The following CHD5 variants were observed in gnomAD, a reference collection of about 807,000 sequenced individuals.
CHD5 encodes the protein ATP-dependent chromatin remodeler CHD5.
Under a neutral mutation model 230.3 loss-of-function variants are expected in CHD5, and 69 were observed. That is an observed-to-expected ratio of 0.30 (90% CI 0.25 to 0.37). CHD5 has a LOEUF of 0.37. CHD5 is among the 10% of genes least tolerant of loss of function. CHD5 has a pLI of 1.00. For missense variants in CHD5, 1,827 were observed against 2,622.8 expected (o/e 0.70, Z 6.63); for synonymous variants, 1,064 against 1,065.9 (o/e 1.00, Z 0.03).
At position 6,128,034 on chromosome 1, in the gene CHD5, C is replaced by G. The variant is rs568640264; in HGVS notation, c.3903+12G>C. The G allele has an allele frequency of 1.3e-6, 2 of 1,588,554 alleles. No homozygotes were observed. The highest frequency in any genetic ancestry group is 3.5e-5 in the Admixed American group (2 of 57,374). On this transcript the variant is annotated intron_variant, in intron 25 of 41. Coordinates refer to ENST00000262450, the MANE Select transcript of CHD5 (RefSeq NM_015557.3). This position sits in a 1 kb window ranked among gnomAD's most constrained non-coding sequence, Gnocchi z 7.8. Reference sequence around the variant, plus strand: ...GCGGGGCTGCGGATGGAGGGCGGGCCGGGGACCTTACCACGCCGTCCTCCT... The same window carrying G: ...GCGGGGCTGCGGATGGAGGGCGGGCGGGGGACCTTACCACGCCGTCCTCCT...
intron 16 of CHD5, 36 bp downstream of exon 16, chr1:6,136,691 CG>C: frequency 6.2e-7 from 1 of 1,611,304 alleles, no homozygotes; most frequent in Non-Finnish European, 8.5e-7. Context: ...CCCCTCGCCC[CG>C]GGAAGCTCTG....
intron 9 of CHD5, among the ~76,000 whole-genome samples, chr1:6,147,894 T>C (rs979249292): frequency 3.9e-5 from 6 of 152,056 alleles, no homozygotes; most frequent in African/African-American, 4.8e-5. Flanking sequence ...CCACTGGCTC[T>C]TGGGGGAGTG....
rs1479360932 is a variant in CHD5, at chr1:6,180,034, G to A, written c.-11C>T. 3.1e-6 allele frequency: 4 copies of A among 1,302,612 alleles called. No individual in the cohort carries two copies. The highest frequency in any genetic ancestry group is 1.6e-5 in the South Asian group (1 of 62,152). The allele number at this position is 1,302,612 out of a possible 1,614,324, so 80.7% of individuals were successfully genotyped here. On this transcript the variant is annotated 5_prime_UTR_variant, in exon 1 of 42. Coordinates refer to ENST00000262450, the MANE Select transcript of CHD5 (RefSeq NM_015557.3). ...CACTGGGCCCCGCATGCCCGGCGCG[G>A]GGAGGAGGGGAGGTGGGCGCCCCCC...
intron 1 of CHD5, among the ~76,000 whole-genome samples, chr1:6,170,481 C>T (rs987195097): frequency 3.3e-5 from 5 of 152,282 alleles, no homozygotes; most frequent in Admixed American, 1.3e-4. Context: ...TTGCATCCCA[C>T]GGGGCCAATG....
At chr1:6,171,499 A>G (rs556154962) in intron 1 of CHD5, among the ~76,000 whole-genome samples, 1 of 140,306 alleles carries the variant, frequency 7.1e-6, no homozygotes, top group South Asian at 2.1e-4. Flanking sequence ...CTGATTCTCT[A>G]TGACACTGCC....
chr1:6,124,057 G>T lies in CHD5; in HGVS notation c.4590C>A (p.Ile1530=), dbSNP rs369641587. 1 of 1,613,310 alleles carries T rather than the reference G, an allele frequency of 6.2e-7. No individual in the cohort carries two copies. The highest frequency in any genetic ancestry group is 8.5e-7 in the Non-Finnish European group (1 of 1,179,730). ...ACTTCTTCCCCTCGGGCCCCTCAGG[G>T]ATCAAGTCTGGGGTGCTGTACTTCC... ...VNGKYSTPDL[I]PEGPEGKKSG... is the part of the protein sequence containing the mutation. The change falls in exon 31 of 42, where the codon ATC becomes ATA. Residue 1530 remains isoleucine (I), a synonymous_variant. Transcript: ENST00000262450.
In CHD5 at chr1:6,159,327, C is replaced by T; in HGVS notation, c.387+9G>A. On this transcript the variant is annotated intron_variant, in intron 3 of 41. Transcript: ENST00000262450. ...CGCTCTGTCCCCCCAGCCAGGCCTCCACAGTTACCTTTAAGCATCCATCAT... is the reference window on the plus strand; with the variant it reads ...CGCTCTGTCCCCCCAGCCAGGCCTCTACAGTTACCTTTAAGCATCCATCAT... 1 of 1,551,358 alleles carries T rather than the reference C, an allele frequency of 6.4e-7. No individual in the cohort carries two copies.
Position 6,124,669 on chromosome 1 carries a change from G to A in CHD5, c.4395-8C>T, listed in dbSNP as rs534219625. 6 of 666,304 alleles carry A rather than the reference G, an allele frequency of 9.0e-6. No individual in the cohort carries two copies. Among genetic ancestry groups the A allele is most frequent in the Non-Finnish European group, 8.1e-6 (4 of 492,420 alleles). The allele number at this position is 666,304 out of a possible 1,614,324, so 41.3% of individuals were successfully genotyped here. On this transcript the variant is annotated splice_polypyrimidine_tract_variant and splice_region_variant and intron_variant, in intron 29 of 41. Coordinates refer to ENST00000262450, the MANE Select transcript of CHD5 (RefSeq NM_015557.3). ...AAGAGGGACACATAGGCTCTGGGGT[G>A]GGGGGGGGGGACTGGGGCTCAGGGA...
chr1:6,166,943 T>C (rs12087088), intron 2 of CHD5, among the ~76,000 whole-genome samples: 42,507 of 151,930 alleles, frequency 0.28, 10,726 homozygotes, highest in African/African-American at 0.68. Context: ...CAGCACGGAG[T>C]GTCTCCAGCC....
At chr1:6,120,874 G>A (rs1012392271) in intron 33 of CHD5, among the ~76,000 whole-genome samples, 2 of 151,958 alleles carry the variant, frequency 1.3e-5, no homozygotes, top group African/African-American at 4.8e-5. Context: ...CTGCATTCCA[G>A]CCTGGGTGAC....
At chr1:6,145,118 G>A (rs1666890512) in intron 11 of CHD5, among the ~76,000 whole-genome samples, 2 of 152,060 alleles carry the variant, frequency 1.3e-5, no homozygotes, top group Admixed American at 1.3e-4. Flanking sequence ...GAGGAAAAGG[G>A]GGGTGTCCCA....
intron 33 of CHD5, among the ~76,000 whole-genome samples, chr1:6,114,423 A>G (rs1386303132): frequency 6.6e-6 from 1 of 152,088 alleles, no homozygotes; most frequent in African/African-American, 2.4e-5. Flanking sequence ...CCTGGGCCAC[A>G]CTGGAAGAAG....
rs1666553188 is a variant in CHD5 at position 6,126,152 on chromosome 1, A to G, written c.4079-294T>C. Among the ~76,000 whole-genome samples the G allele has an allele frequency of 6.6e-6, 1 of 151,952 alleles. No individual in the cohort carries two copies. Among genetic ancestry groups the G allele is most frequent in the African/African-American group, 2.4e-5 (1 of 41,340 alleles). On this transcript the variant is annotated intron_variant, in intron 26 of 41. Transcript: ENST00000262450. This position sits in a 1 kb window ranked among gnomAD's most constrained non-coding sequence, Gnocchi z 5.7. ...GAACTGAGCCACACCTTGTTCCCCCAAACACCCAGCACCTCTGCACCTGCC... is the reference window on the plus strand; with the variant it reads ...GAACTGAGCCACACCTTGTTCCCCCGAACACCCAGCACCTCTGCACCTGCC...
In CHD5 at chr1:6,121,065, G is replaced by C. The variant is rs763086721; in HGVS notation, c.4912+40C>G. 3.9e-6 allele frequency: 6 copies of C among 1,541,614 alleles called. No homozygotes were observed. Among genetic ancestry groups the C allele is most frequent in the Non-Finnish European group, 5.2e-6 (6 of 1,148,194 alleles). On this transcript the variant is annotated intron_variant, in intron 33 of 41. Transcript: ENST00000262450. The surrounding 1 kb of genome is among the most constrained non-coding windows in gnomAD (Gnocchi z 4.5). ...TCTGAACCCAGGCCTGCTGAGGCCAGACATGGCACTGGGGTGGGTGGCCTG... is the reference window on the plus strand; with the variant it reads ...TCTGAACCCAGGCCTGCTGAGGCCACACATGGCACTGGGGTGGGTGGCCTG...
At chr1:6,133,948 G>A (rs1666697538) in intron 20 of CHD5, among the ~76,000 whole-genome samples, 180 bp downstream of exon 20, 1 of 152,172 alleles carries the variant, frequency 6.6e-6, no homozygotes, top group African/African-American at 2.4e-5. Flanking sequence ...TGTGTTCTGA[G>A]CTCCTCAGCC....
At chr1:6,178,111 C>A (rs1316028871) in intron 1 of CHD5, among the ~76,000 whole-genome samples, 4 of 152,142 alleles carry the variant, frequency 2.6e-5, no homozygotes, top group African/African-American at 7.2e-5. Flanking sequence ...GGGACAGAAT[C>A]CCCAGGCCAG....
At position 6,110,608 on chromosome 1, in the gene CHD5, G is replaced by A. The variant is rs569133998; in HGVS notation, c.5250-82C>T. On this transcript the variant is annotated intron_variant, in intron 36 of 41. Transcript: ENST00000262450. ...GGGAGGCAGCTCAGGGAGGGGGAGG[G>A]GCCAGCCCGGGGGTCGGCATTCTGG... 64 of 1,427,898 alleles carry A rather than the reference G, an allele frequency of 4.5e-5. No individual in the cohort carries two copies. The African/African-American group carries it at 8.0e-4, about 18-fold the overall frequency. The allele number at this position is 1,427,898 out of a possible 1,614,324, so 88.5% of individuals were successfully genotyped here.
chr1:6,148,825 G>T, intron 9 of CHD5, 29 bp downstream of exon 9: 1 of 1,458,932 alleles, frequency 6.9e-7, no homozygotes, highest in Non-Finnish European at 9.1e-7. Context: ...GGGGCGGGGC[G>T]TCCGGCGCGG....
In CHD5 at chr1:6,167,429, T is replaced by C. The variant is rs1667272614; in HGVS notation, c.207+721A>G. On this transcript the variant is annotated intron_variant, in intron 2 of 41. Transcript: ENST00000262450. The surrounding 1 kb of genome is among the most constrained non-coding windows in gnomAD (Gnocchi z 4.5). ...AAGCAGACAGCATATGGTGAGGAAA[T>C]GGCAGACCTCAGTGTCCTAGACCAA... Among the ~76,000 whole-genome samples, 1 of 152,066 alleles carries C rather than the reference T, an allele frequency of 6.6e-6. No homozygotes were observed. Among genetic ancestry groups the C allele is most frequent in the South Asian group, 2.1e-4 (1 of 4,826 alleles).
Sources: gnomAD v4.1 joint callset for allele counts (sites outside exome capture counted in the v4.1 genomes callset) on GRCh38, gnomAD v4.1.1 for gene constraint, Gnocchi (gnomAD v3.1) non-coding constraint, MANE v1.5 for transcripts, NCBI Gene and HGNC (gene_info 2026-07-23, HGNC 2026-07-21) for gene names.